Variants in RIPOR2 observed in about 807,000 individuals in gnomAD.
The protein encoded by RIPOR2 is RHO family interacting cell polarization regulator 2, also known as rho family-interacting cell polarization regulator 2.
Under a neutral mutation model 114.5 loss-of-function variants are expected in RIPOR2, and 39 were observed. The observed-to-expected ratio is 0.34, with a 90% CI of 0.26 to 0.44. RIPOR2 has a LOEUF of 0.44. Among genes scored for constraint, RIPOR2 ranks in the 20% least tolerant of loss-of-function variants. RIPOR2 has a pLI of 1.00. For missense variants in RIPOR2, 1,007 were observed against 1,255.1 expected, an observed-to-expected ratio of 0.80 and a Z score of 2.99; for synonymous variants, 445 against 484.4, an observed-to-expected ratio of 0.92 and a Z score of 1.07.
At chr6:24,868,658 G>C (rs887699790) in intron 6 of RIPOR2, among the ~76,000 whole-genome samples, 1 of 152,194 alleles carries the variant, frequency 6.6e-6, no homozygotes, top group Non-Finnish European at 1.5e-5. Flanking sequence ...GGGCTTGAGA[G>C]AGATTGAGGG....
intron 1 of RIPOR2, among the ~76,000 whole-genome samples, chr6:24,921,413 C>G (rs1581800856): frequency 2.6e-5 from 4 of 152,196 alleles, no homozygotes; most frequent in Admixed American, 6.5e-5. Flanking sequence ...ATCCTCCAAC[C>G]TTGGTCTTCC....
chr6:24,936,352 G>A (rs1458096485), upstream of RIPOR2, among the ~76,000 whole-genome samples: 1 of 152,210 alleles, frequency 6.6e-6, no homozygotes, highest in African/African-American at 2.4e-5. Flanking sequence ...TGAAAGTAAA[G>A]CAAGCCACTA....
chr6:25,021,885 A>G (rs1776340392), intron 1 of RIPOR2, among the ~76,000 whole-genome samples: 1 of 152,218 alleles, frequency 6.6e-6, no homozygotes, highest in Admixed American at 6.5e-5. Context: ...CTATAGTCTG[A>G]GTCAGTGAGA....
At chr6:24,840,771 G>T in intron 13 of RIPOR2, 1 of 1,535,366 alleles carries the variant, frequency 6.5e-7, no homozygotes, top group Non-Finnish European at 8.7e-7. Flanking sequence ...AAGGTGTTTA[G>T]CATCCTAGGA....
chr6:24,836,499 A>G (rs1761125084), intron 14 of RIPOR2, among the ~76,000 whole-genome samples: 1 of 152,210 alleles, frequency 6.6e-6, no homozygotes, highest in Non-Finnish European at 1.5e-5. Flanking sequence ...CATTTAAAAA[A>G]ATCTCTTGCA....
intron 1 of RIPOR2, among the ~76,000 whole-genome samples, chr6:24,958,657 G>A (rs181678990): frequency 1.9e-3 from 291 of 152,288 alleles, no homozygotes; most frequent in Middle Eastern, 6.8e-3. Context: ...AAACATGTCT[G>A]CCTATAATTT....
chr6:24,830,443 AC>A (rs762927548), intron 17 of RIPOR2, 65 bp downstream of exon 17: 96 of 1,236,356 alleles, frequency 7.8e-5, no homozygotes, highest in Non-Finnish European at 1.1e-4. Context: ...CTCTCCCCCG[AC>A]CCCCACCCCA....
At chr6:24,884,616 G>A (rs142306457) in intron 1 of RIPOR2, among the ~76,000 whole-genome samples, 66 of 152,256 alleles carry the variant, frequency 4.3e-4, no homozygotes, top group African/African-American at 1.5e-3. Context: ...GGAAGAACCA[G>A]GGCCAGATGT....
chr6:24,914,057 G>C (rs180800417), intron 1 of RIPOR2, among the ~76,000 whole-genome samples: 2 of 152,122 alleles, frequency 1.3e-5, no homozygotes, highest in Non-Finnish European at 2.9e-5. Context: ...CCTAATGGCC[G>C]GGCATGGTGG....
chr6:24,843,517 G>T lies in RIPOR2; in HGVS notation c.1202C>A (p.Ala401Glu). 6.5e-7 allele frequency: 1 copy of T among 1,532,554 alleles called. No homozygotes were observed. The highest frequency in any genetic ancestry group is 2.1e-5 in the Admixed American group (1 of 47,060). 94.9% of individuals were successfully genotyped at this position (1,532,554 alleles called of 1,614,324 possible). A position where few individuals can be genotyped will look rare whatever the true frequency, so the allele number is the denominator to read the frequency against. ...CGACAGTGGCATTTTCTCCTCGGCTGCCTTTCCATTTTCAAAGATGTCATC... is the reference window on the plus strand; with the variant it reads ...CGACAGTGGCATTTTCTCCTCGGCTTCCTTTCCATTTTCAAAGATGTCATC... ...LPDDIFENGK[A>E]AEEKMPLSLS... is the part of the protein sequence containing the mutation. The change falls in exon 13 of 22, where the codon GCA becomes GAA. Residue 401 changes from alanine to glutamate, a missense_variant. Physicochemically the swap from Ala to Glu is moderately radical, Grantham distance 107. Transcript: ENST00000643898.
At chr6:24,926,039 A>G (rs1341159675) in intron 1 of RIPOR2, among the ~76,000 whole-genome samples, 4 of 124,798 alleles carry the variant, frequency 3.2e-5, no homozygotes, top group Non-Finnish European at 7.5e-5. Context: ...ACAAAAACAA[A>G]ACACCACTAG....
chr6:24,923,570 C>T (rs533286906), intron 1 of RIPOR2, among the ~76,000 whole-genome samples: 10 of 152,194 alleles, frequency 6.6e-5, no homozygotes, highest in South Asian at 2.1e-4. Context: ...AGAGGCTGGG[C>T]GCGGCGGCTC....
At chr6:24,926,920 AT>A (rs1770897310) in intron 1 of RIPOR2, among the ~76,000 whole-genome samples, 1 of 151,060 alleles carries the variant, frequency 6.6e-6, no homozygotes, top group African/African-American at 2.4e-5. Context: ...CACCACCATC[AT>A]CATCACCACC....
At chr6:24,996,459 C>A (rs1193277292) in intron 1 of RIPOR2, among the ~76,000 whole-genome samples, 2 of 152,204 alleles carry the variant, frequency 1.3e-5, no homozygotes, top group Non-Finnish European at 2.9e-5. Context: ...CTCTGTTTAA[C>A]CATCGCTGGC....
chr6:24,855,235 T>G (rs1763343678), intron 8 of RIPOR2, among the ~76,000 whole-genome samples: 1 of 152,146 alleles, frequency 6.6e-6, no homozygotes, highest in African/African-American at 2.4e-5. Flanking sequence ...ATGATATACT[T>G]ATTTTGTAAT....
intron 1 of RIPOR2, among the ~76,000 whole-genome samples, chr6:24,892,324 A>C (rs1767444403): frequency 6.6e-6 from 1 of 152,128 alleles, no homozygotes; most frequent in African/African-American, 2.4e-5. Flanking sequence ...GCTGGATAGT[A>C]TAATGGCGCA....
chr6:25,000,671 T>G (rs1342642024), intron 1 of RIPOR2, among the ~76,000 whole-genome samples: 2 of 152,156 alleles, frequency 1.3e-5, no homozygotes, highest in Non-Finnish European at 2.9e-5. Flanking sequence ...GTGCTGGCTT[T>G]TCTTTCTGCT....
At chr6:24,877,385 G>A (rs1244388351) in intron 1 of RIPOR2, 2 of 984,340 alleles carry the variant, frequency 2.0e-6, no homozygotes, top group South Asian at 9.4e-5. Context: ...CTTGGCTACA[G>A]GTATGGCAAT....
chr6:24,863,473 G>A (rs1416972512), intron 7 of RIPOR2, among the ~76,000 whole-genome samples: 1 of 152,168 alleles, frequency 6.6e-6, no homozygotes, highest in African/African-American at 2.4e-5. Flanking sequence ...TCAGTTATCT[G>A]CATTTGTCCT....
Sources: allele counts gnomAD v4.1 joint callset (sites outside exome capture counted in the v4.1 genomes callset), GRCh38; gene constraint gnomAD v4.1.1; transcripts MANE v1.5; gene names NCBI Gene and HGNC (gene_info 2026-07-23, HGNC 2026-07-21).